RYR2: variants seen among roughly 807,000 people sequenced by gnomAD.
RYR2 encodes ryanodine receptor 2.
A neutral mutation model predicts 601.1 loss-of-function variants in RYR2; 227 were observed. The observed-to-expected ratio is 0.38, with a 90% confidence interval of 0.34 to 0.42. The LOEUF (loss-of-function observed/expected upper bound fraction) is 0.42, where lower values mean the gene tolerates loss of function less well. Among genes scored for constraint, RYR2 ranks in the 10% least tolerant of loss-of-function variants. The probability of loss-of-function intolerance (pLI) is 1.00; values close to 1 mark genes in which losing one functional copy is unlikely to be tolerated. For synonymous variants in RYR2, 2,223 were observed against 2,175.1 expected, an observed-to-expected ratio of 1.02 and a Z score of -0.61; for missense variants, 4,646 against 6,156.5, an observed-to-expected ratio of 0.75 and a Z score of 8.21.
intron 10 of RYR2, among the ~76,000 whole-genome samples, chr1:237,406,899 C>T (rs1703959370): frequency 6.6e-6 from 1 of 152,174 alleles, no homozygotes; most frequent in African/African-American, 2.4e-5. Flanking sequence ...CAGTGTTGTA[C>T]ATTCTATAGA....
At chr1:237,552,381 A>T (rs536336998) in intron 27 of RYR2, among the ~76,000 whole-genome samples, 1 of 152,276 alleles carries the variant, frequency 6.6e-6, no homozygotes, top group East Asian at 1.9e-4. Context: ...AAAACAATTT[A>T]AAAAATAGTT....
intron 24 of RYR2, among the ~76,000 whole-genome samples, chr1:237,526,694 G>T (rs1041255705): frequency 6.6e-6 from 1 of 152,074 alleles, no homozygotes. Context: ...CTGTTGAGTT[G>T]TTTAAGTTCT....
chr1:237,306,364 A>C (rs928592258), intron 2 of RYR2, among the ~76,000 whole-genome samples: 1 of 152,224 alleles, frequency 6.6e-6, no homozygotes, highest in African/African-American at 2.4e-5. Flanking sequence ...ATGACTTAGC[A>C]ATCAATGACA....
chr1:237,146,234 A>G (rs1326651957), intron 1 of RYR2, among the ~76,000 whole-genome samples: 1 of 152,218 alleles, frequency 6.6e-6, no homozygotes, highest in East Asian at 1.9e-4. Context: ...TTTAAGTGTA[A>G]CTTAAAACCT....
Position 237,698,982 on chromosome 1 carries a change from A to G in RYR2, c.9085A>G (p.Ile3029Val), listed in dbSNP as rs370141970. 6.7e-5 allele frequency: 104 copies of G among 1,555,894 alleles called. No homozygotes were observed. The highest frequency in any genetic ancestry group is 3.6e-4 in the South Asian group (30 of 83,580). The change falls in exon 64 of 105, where the codon ATT (isoleucine) becomes GTT (valine). Residue 3029 changes from isoleucine (I) to valine (V), a missense_variant. By Grantham distance (29) the Ile-to-Val change is conservative (BLOSUM62 3). This residue lies in a region of RYR2 where 1,497 missense variants were observed against 1,842.6 expected (regional missense o/e 0.81). Transcript: ENST00000366574. Reference protein sequence around the residue: ...ISLFGNDATSIVNCLHILGQT... With the variant: ...ISLFGNDATSVVNCLHILGQT... ...CTCTTTAGGCAATGATGCAACATCA[A>G]TTGTCAACTGTCTTCATATTTTGGG... is the stretch of plus-strand genomic sequence containing the variant.
At chr1:237,283,854 ATGAG>A (rs1691157240) in intron 2 of RYR2, among the ~76,000 whole-genome samples, 1 of 152,166 alleles carries the variant, frequency 6.6e-6, no homozygotes. Context: ...ATTTGGTTAC[ATGAG>A]TAAGTTCTTT....
intron 12 of RYR2, among the ~76,000 whole-genome samples, chr1:237,423,868 T>C (rs750738954): frequency 2.6e-4 from 40 of 152,194 alleles, no homozygotes; most frequent in Non-Finnish European, 4.6e-4. Context: ...GGGTGATTTA[T>C]AATGAAAAGG....
chr1:237,743,449 T>C (rs1205181315), intron 80 of RYR2: 2 of 258,664 alleles, frequency 7.7e-6, no homozygotes, highest in Non-Finnish European at 1.6e-5. Flanking sequence ...CAAAGTCATC[T>C]TTATTGATAA....
At chr1:237,096,895 AT>A (rs1490623307) in intron 1 of RYR2, among the ~76,000 whole-genome samples, 1 of 152,134 alleles carries the variant, frequency 6.6e-6, no homozygotes, top group Non-Finnish European at 1.5e-5. Context: ...TGAATTAGAA[AT>A]CCTGCACCTT....
chr1:237,785,916 A>T, intron 90 of RYR2, 53 bp from the exon 91 acceptor site: 1 of 1,279,618 alleles, frequency 7.8e-7, no homozygotes, highest in Non-Finnish European at 1.1e-6. Flanking sequence ...CCCTCAATTC[A>T]TTCAAAGGTG....
At chr1:237,281,676 A>G (rs1006945156) in intron 2 of RYR2, among the ~76,000 whole-genome samples, 2 of 152,230 alleles carry the variant, frequency 1.3e-5, no homozygotes, top group African/African-American at 4.8e-5. Context: ...CAGATGGTGC[A>G]GGCATTGGTA....
At chr1:237,556,990 G>T (rs1359394393) in intron 27 of RYR2, among the ~76,000 whole-genome samples, 1 of 151,348 alleles carries the variant, frequency 6.6e-6, no homozygotes, top group Admixed American at 6.6e-5. Flanking sequence ...GGTGGTTCTG[G>T]ATCATAGTCT....
chr1:237,205,161 T>G (rs1681664765), intron 1 of RYR2, among the ~76,000 whole-genome samples: 1 of 152,068 alleles, frequency 6.6e-6, no homozygotes, highest in South Asian at 2.1e-4. Flanking sequence ...AAGGACATGG[T>G]TTTCTAGAAC....
At chr1:237,352,024 CTTA>C (rs1698896419) in intron 3 of RYR2, among the ~76,000 whole-genome samples, 1 of 150,320 alleles carries the variant, frequency 6.7e-6, no homozygotes, top group South Asian at 2.1e-4. Flanking sequence ...TGTCACTTAC[CTTA>C]TTAAGATAAA....
chr1:237,389,885 A>G (rs116506847), intron 10 of RYR2, among the ~76,000 whole-genome samples: 1 of 152,232 alleles, frequency 6.6e-6, no homozygotes, highest in African/African-American at 2.4e-5. Flanking sequence ...GGTCTATCAT[A>G]TGTTCATCAG....
chr1:237,614,399 C>G lies in RYR2; in HGVS notation c.5271C>G (p.Leu1757=). 6.2e-7 allele frequency: 1 copy of G among 1,614,040 alleles called. No homozygotes were observed. Among genetic ancestry groups the G allele is most frequent in the Non-Finnish European group, 8.5e-7 (1 of 1,179,904 alleles). The part of the protein sequence containing the change: ...GLPGIGLSTS[L]RPRMQFSSPS... ...CAGGGATCGGCCTCAGCACCTCCCT[C>G]AGGCCACGGATGCAGTTTTCCTCCC... is the stretch of plus-strand genomic sequence containing the variant. Residue 1757 remains leucine, a synonymous_variant, in exon 37 of 105, where the codon CTC becomes CTG. Coordinates refer to ENST00000366574, the MANE Select transcript of RYR2 (RefSeq NM_001035.3). The surrounding 1 kb of genome is among the most constrained non-coding windows in gnomAD (Gnocchi z 4.3).
At chr1:237,463,555 A>G (rs1659717668) in intron 16 of RYR2, among the ~76,000 whole-genome samples, 1 of 152,118 alleles carries the variant, frequency 6.6e-6, no homozygotes, top group Non-Finnish European at 1.5e-5. Context: ...GAATTAAAGA[A>G]TGGGGCCAGG....
chr1:237,632,913 A>C (rs1680502709), intron 42 of RYR2, among the ~76,000 whole-genome samples: 1 of 152,198 alleles, frequency 6.6e-6, no homozygotes, highest in Non-Finnish European at 1.5e-5. Flanking sequence ...CAGGCTTAGA[A>C]GGATATCATA....
intron 1 of RYR2, among the ~76,000 whole-genome samples, chr1:237,146,827 C>CTT (rs199695632): frequency 2.2e-4 from 34 of 152,008 alleles, no homozygotes; most frequent in Admixed American, 3.9e-4. Flanking sequence ...CCCATTTAAT[C>CTT]TTTTTAAAAA....
Sources: allele counts gnomAD v4.1 joint callset (sites outside exome capture counted in the v4.1 genomes callset), GRCh38; gene constraint gnomAD v4.1.1; regional missense constraint gnomAD v4.1.1; non-coding constraint Gnocchi (gnomAD v3.1); transcripts MANE v1.5; gene names NCBI Gene and HGNC (gene_info 2026-07-23, HGNC 2026-07-21).